The following RARB variants were observed in gnomAD, a reference collection of about 807,000 sequenced individuals.
The protein encoded by RARB is HBV-activated protein.
In RARB, 17 loss-of-function variants were observed where a neutral mutation model predicts 51.9. That is an observed-to-expected ratio of 0.33 (90% CI 0.22 to 0.49). RARB has a LOEUF of 0.49. Ranked by LOEUF, RARB falls within the 20% of genes least tolerant of loss-of-function variation. The pLI is 0.99. For synonymous variants in RARB, 215 were observed against 195.4 expected (o/e 1.10, Z -0.84); for missense variants, 369 against 550.8 (o/e 0.67, Z 3.30).
chr3:25,486,838 T>A (rs1197715147), intron 2 of RARB, among the ~76,000 whole-genome samples: 2 of 152,214 alleles, frequency 1.3e-5, no homozygotes, highest in Non-Finnish European at 1.5e-5. Flanking sequence ...AATCCTTGTA[T>A]CCCTCTGTAT....
chr3:25,054,317 T>C lies in RARB; in HGVS notation c.-379-5808T>C, dbSNP rs947395273. On this transcript the variant is annotated intron_variant, in intron 2 of 11. Transcript: ENST00000383772. Reference sequence around the variant, plus strand: ...ATGAATGGCTTGTTATTCACACCCTTAAGAAATTGATTGTGTACTAGTTGG... The same window carrying C: ...ATGAATGGCTTGTTATTCACACCCTCAAGAAATTGATTGTGTACTAGTTGG... Among the ~76,000 whole-genome samples the C allele has an allele frequency of 4.6e-5, 7 of 152,246 alleles. No homozygotes were observed. In the East Asian group the frequency reaches 1.4e-3, roughly 29 times the overall value.
chr3:25,366,799 G>A (rs776556151), intron 5 of RARB, among the ~76,000 whole-genome samples: 1 of 152,154 alleles, frequency 6.6e-6, no homozygotes, highest in Non-Finnish European at 1.5e-5. Flanking sequence ...TCCAGTGAGA[G>A]CATTTCCTAA....
rs551313653 is a variant in RARB, at chr3:24,834,929, T to C, written c.-459+5526T>C. Among the ~76,000 whole-genome samples the C allele has an allele frequency of 1.3e-5, 2 of 152,260 alleles. 1 individual carries two copies. The highest frequency in any genetic ancestry group is 4.1e-4 in the South Asian group (2 of 4,828). ...ATTTCTTCCTTTCCTTTTTCCTTTT[T>C]TTCCCCTATTTATTTCTTTCATCGT... On this transcript the variant is annotated intron_variant, in intron 1 of 11. Transcript: ENST00000383772.
intron 5 of RARB, among the ~76,000 whole-genome samples, chr3:25,353,290 C>A (rs964249797): frequency 6.6e-6 from 1 of 152,110 alleles, no homozygotes; most frequent in African/African-American, 2.4e-5. Flanking sequence ...GTGGACAGAA[C>A]CTGCTGAATT....
chr3:24,887,534 TG>T (rs1269468817), intron 2 of RARB, among the ~76,000 whole-genome samples: 1 of 152,214 alleles, frequency 6.6e-6, no homozygotes, highest in Middle Eastern at 3.2e-3. Flanking sequence ...ATGTATTAAA[TG>T]GCTAGCAAAT....
intron 5 of RARB, among the ~76,000 whole-genome samples, chr3:25,272,053 T>G (rs565404440): frequency 2.0e-5 from 3 of 152,218 alleles, no homozygotes; most frequent in Non-Finnish European, 4.4e-5. Flanking sequence ...TAAAATTTAT[T>G]TTCTTAGTCA....
intron 5 of RARB, among the ~76,000 whole-genome samples, chr3:25,265,997 T>G (rs923200541): frequency 6.6e-6 from 1 of 152,166 alleles, no homozygotes; most frequent in African/African-American, 2.4e-5. Flanking sequence ...ATCCTTACAC[T>G]GCCATTTCTA....
At chr3:25,515,771 A>C (rs1170237429) in intron 3 of RARB, among the ~76,000 whole-genome samples, 1 of 152,228 alleles carries the variant, frequency 6.6e-6, no homozygotes, top group African/African-American at 2.4e-5. Context: ...GTATTGACTC[A>C]AAAGAGCCAC....
chr3:25,446,618 A>G (rs1708946896), intron 1 of RARB, among the ~76,000 whole-genome samples: 1 of 152,052 alleles, frequency 6.6e-6, no homozygotes. Context: ...CCTGGCGAAC[A>G]CGGTGAAACC....
At chr3:25,078,617 A>C (rs1453435044) in intron 3 of RARB, among the ~76,000 whole-genome samples, 1 of 150,204 alleles carries the variant, frequency 6.7e-6, no homozygotes, top group East Asian at 2.0e-4. Context: ...GCTCATCACA[A>C]CCTCCACCTC....
chr3:25,269,237 T>C (rs1184301980), intron 5 of RARB, among the ~76,000 whole-genome samples: 1 of 152,178 alleles, frequency 6.6e-6, no homozygotes, highest in East Asian at 1.9e-4. Flanking sequence ...TGAATAGTCA[T>C]AGAAATGAGT....
chr3:25,349,779 C>T (rs1211108928), intron 5 of RARB, among the ~76,000 whole-genome samples: 1 of 152,058 alleles, frequency 6.6e-6, no homozygotes, highest in Non-Finnish European at 1.5e-5. Flanking sequence ...AACAAAACTA[C>T]CCCCAACATT....
At position 25,397,526 on chromosome 3, in the gene RARB, A is replaced by C. The variant is rs558688044; in HGVS notation, c.179-63667A>C. Among the ~76,000 whole-genome samples, 36 of 152,334 alleles carry C rather than the reference A, an allele frequency of 2.4e-4. No individual in the cohort carries two copies. In the South Asian group the frequency reaches 7.5e-3, roughly 32 times the overall value. ...TCTCCACACACTGTTCTGTCATCCA[A>C]GTGGAACCTGCAAGTTAGTCCTGCC... On this transcript the variant is annotated intron_variant, in intron 5 of 11. Coordinates refer to the RARB transcript ENST00000383772.
intron 3 of RARB, among the ~76,000 whole-genome samples, chr3:25,070,219 T>G (rs1025361641): frequency 6.6e-6 from 1 of 152,194 alleles, no homozygotes; most frequent in Admixed American, 6.5e-5. Context: ...ACATCAGTCA[T>G]ATTAGATTAG....
intron 2 of RARB, among the ~76,000 whole-genome samples, chr3:25,467,196 C>T (rs1181436706): frequency 6.6e-6 from 1 of 152,270 alleles, no homozygotes; most frequent in East Asian, 1.9e-4. Context: ...CCTGACGTCA[C>T]ACCTTGGAGA....
intron 4 of RARB, among the ~76,000 whole-genome samples, chr3:25,163,437 C>A (rs565338356): frequency 1.0e-3 from 149 of 148,986 alleles, no homozygotes; most frequent in African/African-American, 3.5e-3. Context: ...CCTGGGAGGG[C>A]AAGGCTACAG....
At chr3:24,951,235 C>A (rs1695884930) in intron 2 of RARB, among the ~76,000 whole-genome samples, 1 of 151,968 alleles carries the variant, frequency 6.6e-6, no homozygotes, top group South Asian at 2.1e-4. Flanking sequence ...TAGGCCAGAC[C>A]TTTAGGAGGG....
chr3:25,116,495 C>T (rs963110156), intron 3 of RARB, among the ~76,000 whole-genome samples: 4 of 152,032 alleles, frequency 2.6e-5, no homozygotes, highest in African/African-American at 4.8e-5. Flanking sequence ...TGTCCATCCT[C>T]GGTCTACTTA....
intron 3 of RARB, among the ~76,000 whole-genome samples, chr3:25,568,479 T>A (rs1700582053): frequency 6.6e-6 from 1 of 152,082 alleles, no homozygotes; most frequent in East Asian, 1.9e-4. Flanking sequence ...GACACTGACT[T>A]TGTAGTAGGA....
Sources: gnomAD v4.1 joint callset for allele counts (sites outside exome capture counted in the v4.1 genomes callset) on GRCh38, gnomAD v4.1.1 for gene constraint, MANE v1.5 for transcripts, NCBI Gene and HGNC (gene_info 2026-07-23, HGNC 2026-07-21) for gene names.